FBLN1: variants seen among roughly 807,000 people sequenced by gnomAD.
The protein encoded by FBLN1 is fibulin 1, also known as fibulin-1.
In FBLN1, 34 loss-of-function variants were observed where a neutral mutation model predicts 89.7. That is an observed-to-expected ratio of 0.38 (90% confidence interval 0.29 to 0.50). The LOEUF (loss-of-function observed/expected upper bound fraction) is 0.50, where lower values mean the gene tolerates loss of function less well. FBLN1 is among the 20% of genes least tolerant of loss of function. The pLI, the probability that FBLN1 is intolerant of heterozygous loss-of-function variation, is 0.92. For synonymous variants in FBLN1, 393 were observed against 391.3 expected (o/e 1.00, Z -0.05); for missense variants, 777 against 988.1 (o/e 0.79, Z 2.86).
intron 11 of FBLN1, among the ~76,000 whole-genome samples, chr22:45,546,635 T>TG (rs1407699099): frequency 5.9e-5 from 9 of 152,188 alleles, no homozygotes; most frequent in Non-Finnish European, 1.0e-4. Flanking sequence ...AGTTCAGAGT[T>TG]GCTGAGTGGC....
At chr22:45,525,829 G>A in intron 3 of FBLN1, 151 bp downstream of exon 3, 4 of 1,078,590 alleles carry the variant, frequency 3.7e-6, no homozygotes, top group Non-Finnish European at 5.5e-6. Flanking sequence ...CAGGAGGGAG[G>A]TGGAAAACCC....
At chr22:45,569,647 A>AGAAGAAGAG (rs1225561485) in intron 14 of FBLN1, among the ~76,000 whole-genome samples, 1 of 17,698 alleles carries the variant, frequency 5.7e-5, no homozygotes, top group Non-Finnish European at 1.1e-4. Flanking sequence ...TCAAAAAAGA[A>AGAAGAAGAG]GAAGAAGAAG....
chr22:45,511,545 CA>C (rs2088101329), intron 1 of FBLN1, among the ~76,000 whole-genome samples: 1 of 151,340 alleles, frequency 6.6e-6, no homozygotes, highest in Admixed American at 6.6e-5. Context: ...CTCCCGGGTT[CA>C]AGTGATTCTC....
At chr22:45,560,089 A>G (rs1171070570) in intron 14 of FBLN1, among the ~76,000 whole-genome samples, 2 of 152,214 alleles carry the variant, frequency 1.3e-5, no homozygotes, top group Non-Finnish European at 2.9e-5. Flanking sequence ...ACTGTGATTA[A>G]TTAGCCAATG....
intron 9 of FBLN1, among the ~76,000 whole-genome samples, chr22:45,541,811 C>T (rs576042796): frequency 1.7e-4 from 26 of 152,368 alleles, no homozygotes; most frequent in Middle Eastern, 3.4e-3. Flanking sequence ...CCTGCTCCTA[C>T]GTTCCTTTGG....
chr22:45,581,065 C>T lies in FBLN1; in HGVS notation c.1972+3957C>T, dbSNP rs1432159734. Reference sequence around the variant, plus strand: ...CCTTATCTGGCTCTGGATTCATTCTCAGCTCTGCAGCCTGTAATCCGGGGT... The same window carrying T: ...CCTTATCTGGCTCTGGATTCATTCTTAGCTCTGCAGCCTGTAATCCGGGGT... On this transcript the variant is annotated intron_variant, in intron 16 of 16. Transcript: ENST00000327858. This position sits in a 1 kb window ranked among gnomAD's most constrained non-coding sequence, Gnocchi z 7.6. 6.6e-6 allele frequency among the ~76,000 whole-genome samples: 1 copy of T among 152,234 alleles called. No homozygotes were observed. Among genetic ancestry groups the T allele is most frequent in the Non-Finnish European group, 1.5e-5 (1 of 68,046 alleles).
Position 45,537,399 on chromosome 22 carries a change from A to T in FBLN1, c.922+2062A>T, listed in dbSNP as rs1387100437. 6.6e-6 allele frequency among the ~76,000 whole-genome samples: 1 copy of T among 152,260 alleles called. No homozygotes were observed. The highest frequency in any genetic ancestry group is 2.1e-4 in the South Asian group (1 of 4,822). On this transcript the variant is annotated intron_variant, in intron 8 of 16. Coordinates refer to ENST00000327858, the MANE Select transcript of FBLN1 (RefSeq NM_006486.3). This position sits in a 1 kb window ranked among gnomAD's most constrained non-coding sequence, Gnocchi z 5.7. ...TTTGGGAGGCCAAGGCGGGTGGATC[A>T]CTTGAGGTCAGGAGTTCGAGACCAG...
rs1425339332 is a variant in FBLN1, at chr22:45,590,215, C to T, written c.1973-10092C>T. Among the ~76,000 whole-genome samples, 1 of 152,210 alleles carries T rather than the reference C, an allele frequency of 6.6e-6. No individual in the cohort carries two copies. The highest frequency in any genetic ancestry group is 1.5e-5 in the Non-Finnish European group (1 of 68,050). On this transcript the variant is annotated intron_variant, in intron 16 of 16. Coordinates refer to ENST00000327858, the MANE Select transcript of FBLN1 (RefSeq NM_006486.3). The surrounding 1 kb of genome is among the most constrained non-coding windows in gnomAD (Gnocchi z 4.1). ...CTGCACTCAAGGGCTGCCCGCCAGG[C>T]CAGCCTCTCTTCCCCCCCATCCCTC...
intron 7 of FBLN1, among the ~76,000 whole-genome samples, chr22:45,534,576 ACTGT>A (rs2088458970): frequency 6.6e-6 from 1 of 152,176 alleles, no homozygotes; most frequent in Non-Finnish European, 1.5e-5. Context: ...AATGTCACTC[ACTGT>A]ATCATGAGAG....
At position 45,548,513 on chromosome 22, in the gene FBLN1, C is replaced by T. The variant is rs985647141; in HGVS notation, c.1442-100C>T. 3.3e-6 allele frequency: 5 copies of T among 1,523,842 alleles called. No individual in the cohort carries two copies. In the African/African-American group the frequency reaches 5.5e-5, roughly 17 times the overall value. 94.4% of individuals were successfully genotyped at this position (1,523,842 alleles called of 1,614,324 possible). A position where few individuals can be genotyped will look rare whatever the true frequency, so the allele number is the denominator to read the frequency against. On this transcript the variant is annotated intron_variant, in intron 12 of 16. Coordinates refer to ENST00000327858, the MANE Select transcript of FBLN1 (RefSeq NM_006486.3). ...TGTTCAGCTTGTCCTGTGCTGCTGCCCTCCCGGGCCCCAGTGCAGCCCCCA... is the reference window on the plus strand; with the variant it reads ...TGTTCAGCTTGTCCTGTGCTGCTGCTCTCCCGGGCCCCAGTGCAGCCCCCA...
rs925721932 is a variant in FBLN1, at chr22:45,532,277, C to G, written c.545-786C>G. On this transcript the variant is annotated intron_variant, in intron 5 of 16. Transcript: ENST00000327858. This position sits in a 1 kb window ranked among gnomAD's most constrained non-coding sequence, Gnocchi z 4.2. ...GAGGAGCTTTCTGGGGAGGGGAGAG[C>G]TGGTCTGCAAGGAGGAGGTGGGATT... 1.3e-5 allele frequency among the ~76,000 whole-genome samples: 2 copies of G among 152,124 alleles called. No individual in the cohort carries two copies. Among genetic ancestry groups the G allele is most frequent in the African/African-American group, 4.8e-5 (2 of 41,430 alleles).
At position 45,549,071 on chromosome 22, in the gene FBLN1, C is replaced by T. The variant is rs16994228; in HGVS notation, c.1573+327C>T. ...GAACAGAGGCCTTTAGGAAGATGCC[C>T]GCCAGGGAGGAAGCAGTCCAGGCCA... On this transcript the variant is annotated intron_variant, in intron 13 of 16. Transcript: ENST00000327858. The surrounding 1 kb of genome is among the most constrained non-coding windows in gnomAD (Gnocchi z 5.7). Among the ~76,000 whole-genome samples, 2 of 152,034 alleles carry T rather than the reference C, an allele frequency of 1.3e-5. No individual in the cohort carries two copies. Among genetic ancestry groups the T allele is most frequent in the South Asian group, 2.1e-4 (1 of 4,832 alleles).
At chr22:45,573,353 G>A (rs1427621880) in intron 14 of FBLN1, among the ~76,000 whole-genome samples, 1 of 151,744 alleles carries the variant, frequency 6.6e-6, no homozygotes, top group East Asian at 2.0e-4. Flanking sequence ...TGTGTCTAGA[G>A]ACGCACACTG....
chr22:45,587,331 G>A (rs1217158124), intron 16 of FBLN1, among the ~76,000 whole-genome samples: 1 of 75,660 alleles, frequency 1.3e-5, no homozygotes, highest in Non-Finnish European at 2.4e-5. Context: ...CCCGGCCAGA[G>A]ACACGTCCTC....
Position 45,574,831 on chromosome 22 carries a change from G to C in FBLN1, c.1840+178G>C, listed in dbSNP as rs1346526473. ...GAGTCTCGCTCTGTCGCCCGGGCTG[G>C]AGTGCAGTGGTGCCATCTCGGCTCA... On this transcript the variant is annotated intron_variant, in intron 15 of 16. Coordinates refer to ENST00000327858, the MANE Select transcript of FBLN1 (RefSeq NM_006486.3). This position sits in a 1 kb window ranked among gnomAD's most constrained non-coding sequence, Gnocchi z 4.1. Among the ~76,000 whole-genome samples, 2 of 150,102 alleles carry C rather than the reference G, an allele frequency of 1.3e-5. No homozygotes were observed. Among genetic ancestry groups the C allele is most frequent in the Non-Finnish European group, 3.0e-5 (2 of 67,668 alleles).
rs1223217249 is a variant in FBLN1, at chr22:45,577,701, GGA to G, written c.1972+596_1972+597del. On this transcript the variant is annotated intron_variant, in intron 16 of 16. Transcript: ENST00000327858. This position sits in a 1 kb window ranked among gnomAD's most constrained non-coding sequence, Gnocchi z 6.6. ...GGGGAGCTCACTGCTCTTTCTCCCT[GGA>G]GATCCGGTGTTTGGGGAGCGTGAAG... is the stretch of plus-strand genomic sequence containing the variant. 6.6e-6 allele frequency among the ~76,000 whole-genome samples: 1 copy of G among 152,228 alleles called. No homozygotes were observed. Among genetic ancestry groups the G allele is most frequent in the Admixed American group, 6.5e-5 (1 of 15,288 alleles).
Position 45,600,765 on chromosome 22 carries a change from C to A in FBLN1, c.*319C>A, listed in dbSNP as rs1055305714. 4.9e-6 allele frequency: 2 copies of A among 407,406 alleles called. No homozygotes were observed. The highest frequency in any genetic ancestry group is 2.0e-5 in the African/African-American group (1 of 48,926). 25.2% of individuals were successfully genotyped at this position (407,406 alleles called of 1,614,324 possible). A position where few individuals can be genotyped will look rare whatever the true frequency, so the allele number is the denominator to read the frequency against. On this transcript the variant is annotated 3_prime_UTR_variant, in exon 17 of 17. Coordinates refer to ENST00000327858, the MANE Select transcript of FBLN1 (RefSeq NM_006486.3). The stretch of plus-strand genomic sequence containing the variant: ...GGAAAGAAAGACATTTTTTAGGGGG[C>A]AGCCAGTCCAAATGCCAAAAGAAGA...
intron 14 of FBLN1, among the ~76,000 whole-genome samples, chr22:45,564,283 A>C (rs1395381597): frequency 1.3e-5 from 2 of 152,160 alleles, no homozygotes; most frequent in African/African-American, 4.8e-5. Context: ...CCTCCCCTAC[A>C]GCTCATTCTT....
At chr22:45,505,077 C>T (rs1243552617) in intron 1 of FBLN1, among the ~76,000 whole-genome samples, 1 of 152,184 alleles carries the variant, frequency 6.6e-6, no homozygotes, top group African/African-American at 2.4e-5. Context: ...ACTCCTTTGG[C>T]GACGGCCGCT....
Sources: allele counts gnomAD v4.1 joint callset (sites outside exome capture counted in the v4.1 genomes callset), GRCh38; gene constraint gnomAD v4.1.1; non-coding constraint Gnocchi (gnomAD v3.1); transcripts MANE v1.5; gene names NCBI Gene and HGNC (gene_info 2026-07-23, HGNC 2026-07-21).